Variants in WBP4 observed in about 807,000 individuals in gnomAD.
WBP4 encodes the protein WW domain-binding protein 4.
Under a neutral mutation model 55.4 loss-of-function variants are expected in WBP4, and 37 were observed. The ratio of observed to expected loss-of-function variants is 0.67; its 90% CI spans 0.51 to 0.88. The LOEUF (loss-of-function observed/expected upper bound fraction) is 0.88. WBP4 is among the 40% of genes least tolerant of loss of function. The pLI, the probability that WBP4 is intolerant of heterozygous loss-of-function variation, is 0.00. For synonymous variants in WBP4, 142 were observed against 140.2 expected (o/e 1.01, Z -0.09); for missense variants, 398 against 420.8 (o/e 0.95, Z 0.47).
chr13:41,079,884 ACTCAGCCAT>A (rs1878687798), intron 8 of WBP4, among the ~76,000 whole-genome samples: 1 of 152,146 alleles, frequency 6.6e-6, no homozygotes, highest in Non-Finnish European at 1.5e-5. Flanking sequence ...ATGGAATACT[ACTCAGCCAT>A]AAAAAATGAA....
At position 41,083,896 on chromosome 13, in the gene WBP4, T is replaced by C. The variant is rs1878895148; in HGVS notation, c.*982T>C. On this transcript the variant is annotated 3_prime_UTR_variant, in exon 10 of 10. Transcript: ENST00000379487. ...CTTTTACTTTTCAAATTCACAAAAT[T>C]ACATTTCTCATAAATTGTATAGTAT... The C allele has an allele frequency of 2.0e-5, 3 of 152,206 alleles. No individual in the cohort carries two copies. The highest frequency in any genetic ancestry group is 2.0e-4 in the Admixed American group (3 of 15,274). The allele number at this position is 152,206 out of a possible 1,614,324, so 9.4% of individuals were successfully genotyped here.
chr13:41,077,874 T>TA (rs1287954156), intron 8 of WBP4, among the ~76,000 whole-genome samples: 3 of 150,994 alleles, frequency 2.0e-5, no homozygotes, highest in African/African-American at 4.9e-5. Flanking sequence ...GAGAACCAAA[T>TA]AAAAAACTCA....
At chr13:41,073,277 G>A (rs541542533) in intron 7 of WBP4, among the ~76,000 whole-genome samples, 3 of 152,306 alleles carry the variant, frequency 2.0e-5, no homozygotes, top group Admixed American at 6.5e-5. Flanking sequence ...AGTTTGGGAG[G>A]CCAAGACAGG....
intron 4 of WBP4, among the ~76,000 whole-genome samples, chr13:41,066,819 T>G (rs1877994097): frequency 6.6e-6 from 1 of 152,176 alleles, no homozygotes; most frequent in Non-Finnish European, 1.5e-5. Flanking sequence ...TCTCTGTAGG[T>G]TCAGTTTCTG....
At chr13:41,079,767 A>G (rs1408303648) in intron 8 of WBP4, among the ~76,000 whole-genome samples, 1 of 152,168 alleles carries the variant, frequency 6.6e-6, no homozygotes, top group East Asian at 1.9e-4. Context: ...GCACTCATAT[A>G]TTTGTAGCAG....
At chr13:41,072,081 T>C (rs1235907724) in intron 6 of WBP4, among the ~76,000 whole-genome samples, 13 of 149,810 alleles carry the variant, frequency 8.7e-5, no homozygotes, top group African/African-American at 2.9e-4. Context: ...CTGATATCTA[T>C]CCAAAAACTG....
At chr13:41,070,167 T>C (rs932371234) in intron 5 of WBP4, among the ~76,000 whole-genome samples, 2 of 152,210 alleles carry the variant, frequency 1.3e-5, no homozygotes, top group African/African-American at 4.8e-5. Flanking sequence ...GAATTCATTG[T>C]GATTATGTAG....
chr13:41,061,758 T>C lies in WBP4; in HGVS notation c.2+83T>C, dbSNP rs1468488793. The C allele has an allele frequency of 1.9e-6, 3 of 1,597,754 alleles. No homozygotes were observed. The East Asian group carries it at 6.7e-5, about 36-fold the overall frequency. On this transcript the variant is annotated intron_variant, in intron 1 of 9. Coordinates refer to ENST00000379487, the MANE Select transcript of WBP4 (RefSeq NM_007187.5). Reference sequence around the variant, plus strand: ...TCGCCCGGGTCTTCCCCTCCTCTCCTCCCGCCCTTCGGCCGGGGGCGTGAC... The same window carrying C: ...TCGCCCGGGTCTTCCCCTCCTCTCCCCCCGCCCTTCGGCCGGGGGCGTGAC...
intron 3 of WBP4, 40 bp from the exon 4 acceptor site, chr13:41,065,124 T>C (rs1877896748): frequency 6.2e-7 from 1 of 1,601,924 alleles, no homozygotes; most frequent in South Asian, 1.1e-5. Flanking sequence ...CAAATGTCAG[T>C]CCTTTATCTC....
In WBP4 at chr13:41,061,532, G is replaced by C. The variant is rs1209510862; in HGVS notation, c.-142G>C. On this transcript the variant is annotated 5_prime_UTR_variant, in exon 1 of 10. Transcript: ENST00000379487. ...CCGTAGTTGGGAACAGCGGAACGCT[G>C]GTCCCGGGGACTGAGTAAGGTGTCT... 1.5e-6 allele frequency: 2 copies of C among 1,339,198 alleles called. No individual in the cohort carries two copies. The highest frequency in any genetic ancestry group is 2.1e-6 in the Non-Finnish European group (2 of 954,930). The allele number at this position is 1,339,198 out of a possible 1,614,324, so 83.0% of individuals were successfully genotyped here. A position where few individuals can be genotyped will look rare whatever the true frequency, so the allele number is the denominator to read the frequency against.
intron 7 of WBP4, 64 bp from the exon 8 acceptor site, chr13:41,075,980 T>C (rs768984209): frequency 1.9e-5 from 28 of 1,489,304 alleles, no homozygotes; most frequent in African/African-American, 2.8e-5. Context: ...ATAAATGTTA[T>C]GTTGAAATTA....
At chr13:41,062,582 A>C in intron 1 of WBP4, 62 bp from the exon 2 acceptor site, 1 of 1,472,034 alleles carries the variant, frequency 6.8e-7, no homozygotes, top group Non-Finnish European at 9.4e-7. Context: ...ACTGTAAAGC[A>C]TGCAGAATTT....
intron 9 of WBP4, 30 bp downstream of exon 9, chr13:41,080,839 T>C: frequency 1.9e-6 from 3 of 1,580,690 alleles, no homozygotes; most frequent in Non-Finnish European, 2.6e-6. Context: ...ATCCCACTGT[T>C]ATTACAAGTG....
At chr13:41,079,335 C>T (rs1350290224) in intron 8 of WBP4, among the ~76,000 whole-genome samples, 1 of 152,090 alleles carries the variant, frequency 6.6e-6, no homozygotes, top group Non-Finnish European at 1.5e-5. Flanking sequence ...CTTTGGGAGG[C>T]TGAGGCTGGC....
At chr13:41,067,745 T>C (rs1467744195) in intron 4 of WBP4, among the ~76,000 whole-genome samples, 1 of 152,250 alleles carries the variant, frequency 6.6e-6, no homozygotes, top group Non-Finnish European at 1.5e-5. Flanking sequence ...ATTAGAATGT[T>C]TGATTTGTAA....
Position 41,065,576 on chromosome 13 carries a change from T to C in WBP4, c.262+289T>C, listed in dbSNP as rs113302421. Among the ~76,000 whole-genome samples, 9 of 152,302 alleles carry C rather than the reference T, an allele frequency of 5.9e-5. 1 individual carries two copies. Among genetic ancestry groups the C allele is most frequent in the African/African-American group, 1.7e-4 (7 of 41,584 alleles). Reference sequence around the variant, plus strand: ...TAAATGGTTCATTTCAGAGACACTTTGAGTTTTTTAGGTATTCTAGTTATT... The same window carrying C: ...TAAATGGTTCATTTCAGAGACACTTCGAGTTTTTTAGGTATTCTAGTTATT... On this transcript the variant is annotated intron_variant, in intron 4 of 9. Coordinates refer to ENST00000379487, the MANE Select transcript of WBP4 (RefSeq NM_007187.5).
In WBP4 at chr13:41,080,789, T is replaced by G. The variant is rs761438786; in HGVS notation, c.900T>G (p.Ile300Met). 1 of 1,606,172 alleles carries G rather than the reference T, an allele frequency of 6.2e-7. No individual in the cohort carries two copies. Among genetic ancestry groups the G allele is most frequent in the Admixed American group, 1.7e-5 (1 of 57,466 alleles). The change falls in exon 9 of 10, where the codon ATT becomes ATG. Residue 300 changes from isoleucine (I) to methionine (M), a missense_variant. Physicochemically the swap from Ile to Met is conservative, Grantham distance 10. Coordinates refer to ENST00000379487, the MANE Select transcript of WBP4 (RefSeq NM_007187.5). ...ACCCATATGGAGAATGGCAAGAAATTAAACAAGAGGTTGAGTCTCAGTAAG... is the reference window on the plus strand; with the variant it reads ...ACCCATATGGAGAATGGCAAGAAATGAAACAAGAGGTTGAGTCTCAGTAAG... ...KSNPYGEWQE[I>M]KQEVESHEEV...
intron 8 of WBP4, among the ~76,000 whole-genome samples, chr13:41,077,456 C>T (rs560697477): frequency 6.6e-6 from 1 of 152,100 alleles, no homozygotes; most frequent in Admixed American, 6.5e-5. Context: ...AGTGCCACTG[C>T]ACTCCATGCT....
chr13:41,064,786 GTTTAT>G (rs1316459103), intron 2 of WBP4, among the ~76,000 whole-genome samples: 1 of 152,004 alleles, frequency 6.6e-6, no homozygotes, highest in Non-Finnish European at 1.5e-5. Context: ...GGTCATCATG[GTTTAT>G]TTTAAGAACC....
Sources: allele counts gnomAD v4.1 joint callset (sites outside exome capture counted in the v4.1 genomes callset), GRCh38; gene constraint gnomAD v4.1.1; transcripts MANE v1.5; gene names NCBI Gene and HGNC (gene_info 2026-07-23, HGNC 2026-07-21).